Variants in LNP1 observed in about 807,000 individuals in gnomAD.
LNP1 encodes the protein leukemia NUP98 fusion partner 1.
LNP1 carries 12 observed loss-of-function variants against 14.5 expected under a neutral mutation model. That is an observed-to-expected ratio of 0.83 (90% CI 0.53 to 1.34). The LOEUF (loss-of-function observed/expected upper bound fraction) is 1.34, where lower values mean the gene tolerates loss of function less well. Ranked by LOEUF, LNP1 falls within the 40% of genes most tolerant of loss-of-function variation. LNP1 has a pLI of 0.00. For missense variants in LNP1, 198 were observed against 210.9 expected (o/e 0.94, Z 0.38); for synonymous variants, 75 against 71.4 (o/e 1.05, Z -0.26).
intron 1 of LNP1, among the ~76,000 whole-genome samples, chr3:100,420,660 T>C (rs1370353440): frequency 4.6e-5 from 7 of 152,132 alleles, no homozygotes; most frequent in Non-Finnish European, 1.0e-4. Flanking sequence ...TGTTGAAATT[T>C]GAAAGTTTTT....
chr3:100,412,105 G>A lies in LNP1; in HGVS notation c.-34+9666G>A, dbSNP rs533518528. On this transcript the variant is annotated intron_variant, in intron 1 of 3. Transcript: ENST00000383693. ...GGTTCTGCATGCTGAGAAGTATGGC[G>A]CTGGCATCTGTTTGGCTTCTGGAAG... Among the ~76,000 whole-genome samples, 22 of 152,194 alleles carry A rather than the reference G, an allele frequency of 1.4e-4. No homozygotes were observed. In the East Asian group the frequency reaches 2.3e-3, roughly 16 times the overall value.
intron 2 of LNP1, among the ~76,000 whole-genome samples, chr3:100,447,832 C>T (rs1418491997): frequency 1.3e-5 from 2 of 152,056 alleles, no homozygotes; most frequent in African/African-American, 4.8e-5. Flanking sequence ...TTACATCGCT[C>T]TTGTTTCCTG....
At chr3:100,423,923 G>A (rs2148902135) in intron 1 of LNP1, among the ~76,000 whole-genome samples, 1 of 152,270 alleles carries the variant, frequency 6.6e-6, no homozygotes, top group African/African-American at 2.4e-5. Flanking sequence ...TCAGGAGTGG[G>A]CTGGAGCCTC....
chr3:100,442,456 A>G (rs897226168), intron 2 of LNP1, among the ~76,000 whole-genome samples: 8 of 152,212 alleles, frequency 5.3e-5, no homozygotes, highest in Non-Finnish European at 8.8e-5. Flanking sequence ...GACATGAGAC[A>G]TCAATCAACA....
chr3:100,407,476 C>T (rs1316964303), intron 1 of LNP1, among the ~76,000 whole-genome samples: 2 of 152,216 alleles, frequency 1.3e-5, no homozygotes, highest in East Asian at 1.9e-4. Flanking sequence ...TTGGAACTGC[C>T]GTATATGTTA....
At chr3:100,450,739 GAAAAC>G (rs762434332) in intron 2 of LNP1, among the ~76,000 whole-genome samples, 1 of 152,048 alleles carries the variant, frequency 6.6e-6, no homozygotes, top group Non-Finnish European at 1.5e-5. Context: ...TAAGAAGCAG[GAAAAC>G]AAAACAAAAC....
chr3:100,413,082 C>T (rs1257690227), intron 1 of LNP1, among the ~76,000 whole-genome samples: 2 of 152,230 alleles, frequency 1.3e-5, no homozygotes, highest in South Asian at 4.1e-4. Flanking sequence ...CTGCCGCCAC[C>T]AGAAATAGTC....
chr3:100,422,057 T>G (rs114088346), intron 1 of LNP1, among the ~76,000 whole-genome samples: 1 of 152,184 alleles, frequency 6.6e-6, no homozygotes, highest in Non-Finnish European at 1.5e-5. Flanking sequence ...TCACTTCTTA[T>G]GGAGAGGCTT....
chr3:100,445,891 A>G (rs1415302990), intron 2 of LNP1, among the ~76,000 whole-genome samples: 4 of 152,206 alleles, frequency 2.6e-5, no homozygotes, highest in Admixed American at 6.5e-5. Context: ...CCAACTTACA[A>G]GGGATGTGAA....
At chr3:100,455,691 T>C in intron 3 of LNP1, 86 bp from the exon 4 acceptor site, 2 of 1,309,014 alleles carry the variant, frequency 1.5e-6, no homozygotes, top group Non-Finnish European at 2.2e-6. Flanking sequence ...CCATCAGGGC[T>C]TTCTCCATGT....
intron 1 of LNP1, among the ~76,000 whole-genome samples, chr3:100,412,155 G>A (rs1021750167): frequency 2.6e-5 from 4 of 152,106 alleles, no homozygotes; most frequent in Non-Finnish European, 4.4e-5. Context: ...ATCAAAACAC[G>A]GCAGAAGTTC....
chr3:100,425,648 T>A (rs1707185390), intron 1 of LNP1, among the ~76,000 whole-genome samples: 1 of 152,162 alleles, frequency 6.6e-6, no homozygotes, highest in Non-Finnish European at 1.5e-5. Flanking sequence ...TTTATTCTTA[T>A]CTAGACCATT....
intron 1 of LNP1, among the ~76,000 whole-genome samples, chr3:100,413,869 A>G (rs1330721739): frequency 6.6e-6 from 1 of 152,224 alleles, no homozygotes; most frequent in Non-Finnish European, 1.5e-5. Context: ...AGCCATGGTT[A>G]TGCAGTGCTG....
chr3:100,436,804 A>T (rs1408508697), intron 2 of LNP1, among the ~76,000 whole-genome samples: 6 of 152,036 alleles, frequency 3.9e-5, no homozygotes, highest in African/African-American at 9.7e-5. Flanking sequence ...AGCCTTTGGG[A>T]GATAATTAGG....
intron 1 of LNP1, among the ~76,000 whole-genome samples, chr3:100,403,699 A>G (rs1224710772): frequency 1.3e-5 from 2 of 152,170 alleles, no homozygotes; most frequent in Non-Finnish European, 2.9e-5. Flanking sequence ...TCGGCCTCCC[A>G]AAGTGCTGGG....
intron 1 of LNP1, among the ~76,000 whole-genome samples, chr3:100,423,613 ATATCCGT>A (rs1467879996): frequency 6.6e-6 from 1 of 152,206 alleles, no homozygotes; most frequent in African/African-American, 2.4e-5. Context: ...GGCACCCATG[ATATCCGT>A]TCACTTTATG....
intron 3 of LNP1, among the ~76,000 whole-genome samples, chr3:100,454,926 CAGG>C (rs899762364): frequency 4.6e-5 from 7 of 152,138 alleles, no homozygotes; most frequent in Admixed American, 3.9e-4. Context: ...CTAGTTCAAA[CAGG>C]AGAGGAGTAA....
intron 1 of LNP1, among the ~76,000 whole-genome samples, chr3:100,403,842 T>C (rs916515277): frequency 2.0e-5 from 3 of 152,244 alleles, no homozygotes; most frequent in African/African-American, 7.2e-5. Flanking sequence ...TAGATTATTT[T>C]TAAGGCTCCT....
chr3:100,437,389 C>T (rs754399378), intron 2 of LNP1, among the ~76,000 whole-genome samples: 59 of 152,014 alleles, frequency 3.9e-4, no homozygotes, highest in Admixed American at 1.2e-3. Flanking sequence ...ATATAACTTA[C>T]GATATGGTGT....
Sources: gnomAD v4.1 joint callset for allele counts (sites outside exome capture counted in the v4.1 genomes callset) on GRCh38, gnomAD v4.1.1 for gene constraint, MANE v1.5 for transcripts, NCBI Gene and HGNC (gene_info 2026-07-23, HGNC 2026-07-21) for gene names.